The following RIMS2 variants were observed in gnomAD, a reference collection of about 807,000 sequenced individuals.
The protein encoded by RIMS2 is regulating synaptic membrane exocytosis 2.
In RIMS2, 59 loss-of-function variants were observed where a neutral mutation model predicts 174.4. The observed-to-expected ratio is 0.34, with a 90% confidence interval of 0.27 to 0.42. The LOEUF (loss-of-function observed/expected upper bound fraction) is 0.42, where lower values mean the gene tolerates loss of function less well. RIMS2 is among the 10% of genes least tolerant of loss of function. RIMS2 has a pLI of 1.00. For synonymous variants in RIMS2, 606 were observed against 572.5 expected (o/e 1.06, Z -0.84); for missense variants, 1,620 against 1,666.3 (o/e 0.97, Z 0.48).
chr8:103,760,204 G>A (rs1591821044), intron 2 of RIMS2, among the ~76,000 whole-genome samples: 1 of 152,218 alleles, frequency 6.6e-6, no homozygotes. Context: ...AGGATGTGCT[G>A]TTGCCTCCCA....
At chr8:103,892,362 C>G (rs2099251393) in intron 4 of RIMS2, among the ~76,000 whole-genome samples, 1 of 151,604 alleles carries the variant, frequency 6.6e-6, no homozygotes, top group Admixed American at 6.6e-5. Context: ...ACCACCGAGC[C>G]CAGCTAATTT....
chr8:104,080,740 A>C lies in RIMS2; in HGVS notation c.3334+66125A>C, dbSNP rs551191138. ...GGCTTTGTTCATCAGCACAAAATTCAGTTGTAATTTTTCTTTAGTTGGAAG... is the reference window on the plus strand; with the variant it reads ...GGCTTTGTTCATCAGCACAAAATTCCGTTGTAATTTTTCTTTAGTTGGAAG... On this transcript the variant is annotated intron_variant, in intron 19 of 23. Transcript: ENST00000504942. Among the ~76,000 whole-genome samples, 7 of 152,182 alleles carry C rather than the reference A, an allele frequency of 4.6e-5. 1 individual carries two copies. In the South Asian group the frequency reaches 1.4e-3, roughly 32 times the overall value.
At chr8:104,220,846 AT>A (rs2099151626) in intron 19 of RIMS2, among the ~76,000 whole-genome samples, 1 of 152,074 alleles carries the variant, frequency 6.6e-6, no homozygotes, top group South Asian at 2.1e-4. Flanking sequence ...AGCTCAAGTG[AT>A]CCTCCCACCT....
intron 2 of RIMS2, among the ~76,000 whole-genome samples, chr8:103,753,341 G>A (rs199914785): frequency 2.6e-5 from 4 of 152,102 alleles, no homozygotes; most frequent in Non-Finnish European, 4.4e-5. Context: ...GTTTGCCAGT[G>A]TTTTATTGAG....
intron 3 of RIMS2, among the ~76,000 whole-genome samples, chr8:103,858,981 A>G (rs2099043593): frequency 6.6e-6 from 1 of 152,076 alleles, no homozygotes; most frequent in Non-Finnish European, 1.5e-5. Flanking sequence ...AGATATAGAT[A>G]ATTAAGGTTC....
intron 1 of RIMS2, among the ~76,000 whole-genome samples, chr8:103,553,966 A>T (rs1245916015): frequency 6.6e-6 from 1 of 151,978 alleles, no homozygotes; most frequent in Non-Finnish European, 1.5e-5. Flanking sequence ...ACCCCCGTTC[A>T]ATAAATAGTG....
chr8:103,853,029 A>G (rs748194579), intron 3 of RIMS2, among the ~76,000 whole-genome samples: 21 of 152,132 alleles, frequency 1.4e-4, no homozygotes, highest in African/African-American at 4.1e-4. Flanking sequence ...CCAACAGTGT[A>G]TAAGTGTTCC....
At chr8:103,925,843 G>A (rs1483365061) in intron 10 of RIMS2, among the ~76,000 whole-genome samples, 1 of 151,558 alleles carries the variant, frequency 6.6e-6, no homozygotes, top group Admixed American at 6.6e-5. Flanking sequence ...TGATTCCACA[G>A]AATTCTGAAC....
intron 19 of RIMS2, among the ~76,000 whole-genome samples, chr8:104,175,675 A>AG (rs1195459253): frequency 6.6e-6 from 1 of 152,174 alleles, no homozygotes; most frequent in Non-Finnish European, 1.5e-5. Flanking sequence ...AAACTTACTC[A>AG]TAAAGGTGGA....
chr8:103,812,388 C>T (rs1003590452), intron 3 of RIMS2, among the ~76,000 whole-genome samples: 2 of 132,716 alleles, frequency 1.5e-5, no homozygotes, highest in South Asian at 4.9e-4. Flanking sequence ...TCACCCTTGT[C>T]CCCCAGGCTT....
intron 2 of RIMS2, among the ~76,000 whole-genome samples, chr8:103,723,223 G>A (rs1591110621): frequency 6.6e-6 from 1 of 152,342 alleles, no homozygotes; most frequent in East Asian, 1.9e-4. Flanking sequence ...CTTAACTCCT[G>A]TACCATCAGT....
At chr8:103,838,779 T>A (rs1238429643) in intron 3 of RIMS2, among the ~76,000 whole-genome samples, 1 of 152,148 alleles carries the variant, frequency 6.6e-6, no homozygotes, top group Non-Finnish European at 1.5e-5. Flanking sequence ...TTTATTAAAG[T>A]TCCTGGCCGG....
At chr8:104,242,184 G>A (rs2441800) in intron 19 of RIMS2, among the ~76,000 whole-genome samples, 52,315 of 151,588 alleles carry the variant, frequency 0.35, 9,480 homozygotes, top group African/African-American at 0.47. Context: ...CTCATTTTTT[G>A]AAACATATAT....
chr8:103,714,978 C>T (rs1317621300), intron 2 of RIMS2, among the ~76,000 whole-genome samples: 5 of 152,014 alleles, frequency 3.3e-5, no homozygotes, highest in Non-Finnish European at 7.4e-5. Context: ...TATTCCTGGG[C>T]ATACTTCAAG....
chr8:104,159,859 C>G (rs998851897), intron 19 of RIMS2, among the ~76,000 whole-genome samples: 1 of 152,058 alleles, frequency 6.6e-6, no homozygotes, highest in Non-Finnish European at 1.5e-5. Context: ...AGTCATCTGA[C>G]TGGGCACGGT....
At chr8:104,243,850 C>T (rs1446452459) in intron 19 of RIMS2, among the ~76,000 whole-genome samples, 1 of 152,128 alleles carries the variant, frequency 6.6e-6, no homozygotes, top group African/African-American at 2.4e-5. Flanking sequence ...CTTTGGTAGC[C>T]TCTCAACTTC....
intron 1 of RIMS2, among the ~76,000 whole-genome samples, chr8:103,517,022 A>G (rs1468617161): frequency 6.6e-6 from 1 of 152,226 alleles, no homozygotes; most frequent in African/African-American, 2.4e-5. Context: ...CATTTTGAGC[A>G]TCTGTTCTAT....
chr8:104,053,267 T>C (rs1193155772), intron 19 of RIMS2, among the ~76,000 whole-genome samples: 1 of 152,228 alleles, frequency 6.6e-6, no homozygotes, highest in Non-Finnish European at 1.5e-5. Flanking sequence ...AAGCTCCCTA[T>C]ATTTGGATAT....
intron 19 of RIMS2, among the ~76,000 whole-genome samples, chr8:104,145,206 T>A (rs754043623): frequency 3.9e-5 from 6 of 152,160 alleles, no homozygotes; most frequent in Non-Finnish European, 7.4e-5. Flanking sequence ...AGTTTTCCTT[T>A]ATGATAAATT....
Sources: gnomAD v4.1 joint callset for allele counts (sites outside exome capture counted in the v4.1 genomes callset) on GRCh38, gnomAD v4.1.1 for gene constraint, MANE v1.5 for transcripts, NCBI Gene and HGNC (gene_info 2026-07-23, HGNC 2026-07-21) for gene names.